The following HADH variants were observed in gnomAD, a reference collection of about 807,000 sequenced individuals.
HADH encodes the protein hydroxyacyl-CoA dehydrogenase.
In HADH, 24 loss-of-function variants were observed where a neutral mutation model predicts 32.2. The observed-to-expected ratio is 0.75, with a 90% CI of 0.54 to 1.05. The LOEUF (loss-of-function observed/expected upper bound fraction) is 1.05. Among genes scored for constraint, HADH ranks in the 50% least tolerant of loss-of-function variants. The pLI is 0.00. For missense variants in HADH, 350 were observed against 397.1 expected, an observed-to-expected ratio of 0.88 and a Z score of 1.01; for synonymous variants, 139 against 152.5, an observed-to-expected ratio of 0.91 and a Z score of 0.65.
intron 6 of HADH, chr4:108,032,948 C>T: frequency 7.7e-6 from 4 of 520,532 alleles, no homozygotes; most frequent in Non-Finnish European, 1.4e-5. Flanking sequence ...TGCCATTGCA[C>T]TTCAGCTTGG....
At chr4:108,020,197 C>T (rs150006690) in intron 4 of HADH, among the ~76,000 whole-genome samples, 20 of 152,270 alleles carry the variant, frequency 1.3e-4, no homozygotes, top group African/African-American at 4.6e-4. Context: ...CCATTGGGTG[C>T]GGCGGCTCAT....
chr4:108,020,130 G>C (rs1337331150), intron 4 of HADH, among the ~76,000 whole-genome samples: 1 of 152,112 alleles, frequency 6.6e-6, no homozygotes, highest in African/African-American at 2.4e-5. Context: ...CCTTAGCGTT[G>C]TCCCCAGATG....
At chr4:108,004,660 A>G (rs902203317) in intron 1 of HADH, 10 of 1,518,866 alleles carry the variant, frequency 6.6e-6, no homozygotes, top group Admixed American at 5.9e-5. Flanking sequence ...CATATCTGTC[A>G]TAGGAAAGAG....
At chr4:108,027,525 A>G (rs1465884034) in intron 5 of HADH, 163 bp from the exon 6 acceptor site, 3 of 691,306 alleles carry the variant, frequency 4.3e-6, no homozygotes, top group Non-Finnish European at 7.9e-6. Context: ...ATAAATTGTC[A>G]TATGAGATAG....
Position 108,033,291 on chromosome 4 carries a change from T to C in HADH, c.825T>C (p.Asp275=). The change falls in exon 7 of 8, where the codon GAT becomes GAC. Residue 275 remains aspartate, a splice_region_variant and synonymous_variant. Coordinates refer to ENST00000309522, the MANE Select transcript of HADH (RefSeq NM_005327.7). ...VGLDTTKFIV[D]GWHEMDAENP... ...TGGATACTACGAAGTTCATCGTGGA[T>C]GGTAGGAATTGGAATTTTTTGTTGT... The C allele has an allele frequency of 5.0e-6, 7 of 1,413,298 alleles. No individual in the cohort carries two copies. The highest frequency in any genetic ancestry group is 7.0e-6 in the Non-Finnish European group (7 of 996,714). 87.5% of individuals were successfully genotyped at this position (1,413,298 alleles called of 1,614,324 possible).
At chr4:108,029,105 T>C in intron 6 of HADH, 1 of 386,130 alleles carries the variant, frequency 2.6e-6, no homozygotes, top group Non-Finnish European at 4.6e-6. Context: ...GTGTCCTGCC[T>C]GGGGTGGGTG....
chr4:108,034,919 G>T lies in HADH; in HGVS notation c.*562G>T. 1 of 192,278 alleles carries T rather than the reference G, an allele frequency of 5.2e-6. No individual in the cohort carries two copies. The highest frequency in any genetic ancestry group is 1.1e-5 in the Non-Finnish European group (1 of 90,796). 11.9% of individuals were successfully genotyped at this position (192,278 alleles called of 1,614,324 possible). The stretch of plus-strand genomic sequence containing the variant: ...CGTCGTGAAGATGCTGCTGCTGAAT[G>T]GGTCAGCATATCTCTGTTTGCATGG... On this transcript the variant is annotated 3_prime_UTR_variant, in exon 8 of 8. Transcript: ENST00000309522.
At chr4:108,023,361 C>A in intron 4 of HADH, 113 bp from the exon 5 acceptor site, 1 of 728,268 alleles carries the variant, frequency 1.4e-6, no homozygotes, top group Non-Finnish European at 2.5e-6. Flanking sequence ...TATGCTGAAA[C>A]TCAAACTATT....
chr4:108,031,023 A>G (rs1736243205), intron 6 of HADH: 1 of 152,250 alleles, frequency 6.6e-6, no homozygotes, highest in African/African-American at 2.4e-5. Context: ...ATGGAATTAC[A>G]GCGTTGCTTC....
At chr4:108,017,556 C>CT (rs201301738) in intron 3 of HADH, among the ~76,000 whole-genome samples, 3,916 of 144,280 alleles carry the variant, frequency 0.027, 59 homozygotes, top group Non-Finnish European at 0.036. Flanking sequence ...TGTAAGAGTA[C>CT]TTTTTTTTTT....
At chr4:108,026,258 C>G (rs62311448) in intron 5 of HADH, 6,173 of 152,240 alleles carry the variant, frequency 0.041, 133 homozygotes, top group Non-Finnish European at 0.057. Flanking sequence ...CCAGGCTGGT[C>G]TTGAACTCCT....
intron 1 of HADH, chr4:108,004,844 C>T: frequency 6.5e-7 from 1 of 1,535,836 alleles, no homozygotes; most frequent in Middle Eastern, 1.7e-4. Flanking sequence ...GAACATGACC[C>T]TGCGGAGATG....
At chr4:108,023,756 A>T (rs376060547) in intron 5 of HADH, 193 bp downstream of exon 5, 1 of 611,516 alleles carries the variant, frequency 1.6e-6, no homozygotes. Context: ...CTCCTAAGCC[A>T]TGCCTAAGGC....
chr4:108,004,411 A>G (rs1268399477), intron 1 of HADH: 1 of 331,406 alleles, frequency 3.0e-6, no homozygotes. Context: ...GATCATTCAA[A>G]AGGAAGCATT....
chr4:107,990,743 C>CTTTTTTTTTT (rs553014808), intron 1 of HADH, among the ~76,000 whole-genome samples: 1 of 111,846 alleles, frequency 8.9e-6, no homozygotes, highest in Non-Finnish European at 1.8e-5. Flanking sequence ...AAGTCTCTCT[C>CTTTTTTTTTT]TTTTTTTTTT....
chr4:108,007,175 C>T (rs1735318043), intron 1 of HADH, among the ~76,000 whole-genome samples: 1 of 152,084 alleles, frequency 6.6e-6, no homozygotes, highest in Non-Finnish European at 1.5e-5. Flanking sequence ...GGTGCGATCT[C>T]GGCTCACTGC....
chr4:108,027,860 G>A, intron 6 of HADH, 100 bp downstream of exon 6: 1 of 773,092 alleles, frequency 1.3e-6, no homozygotes, highest in South Asian at 1.4e-5. Flanking sequence ...GTGCACAATG[G>A]AGGAAGCAGT....
chr4:108,003,815 A>T (rs1735198520), intron 1 of HADH, among the ~76,000 whole-genome samples: 1 of 5,550 alleles, frequency 1.8e-4, no homozygotes, highest in African/African-American at 2.3e-4. Flanking sequence ...CAGAATTAAA[A>T]AAAAAAAAAA....
intron 1 of HADH, among the ~76,000 whole-genome samples, chr4:108,006,875 G>T (rs1735308901): frequency 6.6e-6 from 1 of 152,256 alleles, no homozygotes; most frequent in East Asian, 1.9e-4. Context: ...GTTGAGGGTG[G>T]TATGTGTTAG....
Sources: allele counts gnomAD v4.1 joint callset (sites outside exome capture counted in the v4.1 genomes callset), GRCh38; gene constraint gnomAD v4.1.1; transcripts MANE v1.5; gene names NCBI Gene and HGNC (gene_info 2026-07-23, HGNC 2026-07-21).